Variants in ST3GAL3 observed in about 807,000 individuals in gnomAD.
The protein encoded by ST3GAL3 is ST3 beta-galactoside alpha-2,3-sialyltransferase 3, also known as CMP-N-acetylneuraminate-beta-1,4-galactoside alpha-2,3-sialyltransferase.
In ST3GAL3, 21 loss-of-function variants were observed where a neutral mutation model predicts 50.1. That is an observed-to-expected ratio of 0.42 (90% CI 0.30 to 0.60). The LOEUF (loss-of-function observed/expected upper bound fraction) is 0.60, where lower values mean the gene tolerates loss of function less well. ST3GAL3 is among the 20% of genes least tolerant of loss of function. The pLI, the probability that ST3GAL3 is intolerant of heterozygous loss-of-function variation, is 0.19. For synonymous variants in ST3GAL3, 183 were observed against 190.0 expected (o/e 0.96, Z 0.30); for missense variants, 353 against 489.4 (o/e 0.72, Z 2.63).
intron 1 of ST3GAL3, chr1:43,708,137 G>C (rs1236332442): frequency 6.6e-6 from 1 of 152,314 alleles, no homozygotes; most frequent in Non-Finnish European, 1.5e-5. Flanking sequence ...ACTGGGGTCA[G>C]TTTGATCGGC....
At position 43,752,256 on chromosome 1, in the gene ST3GAL3, G is replaced by A. The variant is rs117877338; in HGVS notation, c.118+15876G>A. Among the ~76,000 whole-genome samples, 19 of 152,300 alleles carry A rather than the reference G, an allele frequency of 1.2e-4. No individual in the cohort carries two copies. The East Asian group carries it at 3.7e-3, about 29-fold the overall frequency. On this transcript the variant is annotated intron_variant, in intron 2 of 11. Transcript: ENST00000347631. Reference sequence around the variant, plus strand: ...AGGTAAGGCTAATGAGGCTCAACAAGTTAATGCCTTTTTTGAGATCACACT... The same window carrying A: ...AGGTAAGGCTAATGAGGCTCAACAAATTAATGCCTTTTTTGAGATCACACT...
chr1:43,918,673 T>TA (rs908291215), intron 9 of ST3GAL3, among the ~76,000 whole-genome samples: 1 of 152,162 alleles, frequency 6.6e-6, no homozygotes, highest in Non-Finnish European at 1.5e-5. Context: ...TTGAGGGTGT[T>TA]ATGTTTACCT....
Position 43,888,332 on chromosome 1 carries a change from G to C in ST3GAL3, c.303-6051G>C, listed in dbSNP as rs554473169. ...CAATAGGGGAAAGACTGATAAATTT[G>C]ACTTAAAACAACAACAACAACAACA... On this transcript the variant is annotated intron_variant, in intron 5 of 11. Transcript: ENST00000347631. Among the ~76,000 whole-genome samples, 8 of 152,090 alleles carry C rather than the reference G, an allele frequency of 5.3e-5. No individual in the cohort carries two copies. The East Asian group carries it at 1.3e-3, about 26-fold the overall frequency.
At chr1:43,733,568 G>GT (rs1395891505) in intron 1 of ST3GAL3, among the ~76,000 whole-genome samples, 1 of 152,170 alleles carries the variant, frequency 6.6e-6, no homozygotes, top group Non-Finnish European at 1.5e-5. Flanking sequence ...CCATTGACCT[G>GT]TTTTTTCCTC....
rs767773778 is a variant in ST3GAL3 at position 43,792,189 on chromosome 1, A to G, written c.166+40A>G. The stretch of plus-strand genomic sequence containing the variant: ...CCCTCTATCATCTTTTTGGCCTTCA[A>G]TATTAGCCATATTTTTTGTGAAGCC... On this transcript the variant is annotated intron_variant, in intron 3 of 11. Transcript: ENST00000347631. 3.1e-6 allele frequency: 5 copies of G among 1,613,024 alleles called. No homozygotes were observed. In the East Asian group the frequency reaches 8.9e-5, roughly 29 times the overall value.
intron 11 of ST3GAL3, chr1:43,921,528 G>C (rs1316779250): frequency 5.0e-6 from 2 of 399,502 alleles, no homozygotes; most frequent in East Asian, 3.6e-5. Flanking sequence ...ACTGATCCCA[G>C]CCTGAAACCT....
At chr1:43,764,106 G>A (rs1225519047) in intron 2 of ST3GAL3, among the ~76,000 whole-genome samples, 1 of 152,178 alleles carries the variant, frequency 6.6e-6, no homozygotes, top group African/African-American at 2.4e-5. Flanking sequence ...CAAGGTATCA[G>A]CACAGATGAA....
intron 5 of ST3GAL3, among the ~76,000 whole-genome samples, chr1:43,858,860 C>G (rs1331508718): frequency 6.6e-6 from 1 of 152,216 alleles, no homozygotes; most frequent in Non-Finnish European, 1.5e-5. Flanking sequence ...CCTTGCCTCC[C>G]CACTGTGGAG....
intron 1 of ST3GAL3, among the ~76,000 whole-genome samples, chr1:43,731,557 A>ATTTTTTTT (rs147263689): frequency 6.3e-4 from 78 of 123,550 alleles, no homozygotes; most frequent in Admixed American, 1.8e-3. Flanking sequence ...GCTAATTTTA[A>ATTTTTTTT]TTTTTTTTTT....
intron 1 of ST3GAL3, among the ~76,000 whole-genome samples, chr1:43,719,566 G>A (rs1237299443): frequency 6.6e-6 from 1 of 152,092 alleles, no homozygotes; most frequent in African/African-American, 2.4e-5. Flanking sequence ...ATGGGAGGCC[G>A]AGGCACGAGA....
intron 2 of ST3GAL3, among the ~76,000 whole-genome samples, chr1:43,753,768 T>G (rs955896312): frequency 6.6e-6 from 1 of 152,228 alleles, no homozygotes; most frequent in African/African-American, 2.4e-5. Context: ...TAGCTGGGCC[T>G]CTGGTATCCC....
chr1:43,831,429 T>C (rs1020155776), intron 4 of ST3GAL3, among the ~76,000 whole-genome samples: 7 of 152,224 alleles, frequency 4.6e-5, no homozygotes, highest in Admixed American at 2.6e-4. Flanking sequence ...GTATTTGTTA[T>C]CCAATCAGTG....
intron 2 of ST3GAL3, among the ~76,000 whole-genome samples, chr1:43,743,290 GA>G (rs1160354874): frequency 6.6e-6 from 1 of 151,568 alleles, no homozygotes. Flanking sequence ...AATATTGGGG[GA>G]AAAAACCTAG....
chr1:43,833,902 C>T (rs72886894), intron 4 of ST3GAL3, among the ~76,000 whole-genome samples: 10,124 of 152,250 alleles, frequency 0.066, 364 homozygotes, highest in East Asian at 0.14. Context: ...AGAGCTAAGG[C>T]CAGCCCTTCC....
intron 5 of ST3GAL3, among the ~76,000 whole-genome samples, chr1:43,877,550 T>G (rs1404763051): frequency 6.6e-6 from 1 of 152,146 alleles, no homozygotes; most frequent in African/African-American, 2.4e-5. Flanking sequence ...TTTGATGTGT[T>G]GAGCCTAGGT....
At chr1:43,879,507 G>A in intron 5 of ST3GAL3, 1 of 432,260 alleles carries the variant, frequency 2.3e-6, no homozygotes, top group Admixed American at 2.6e-5. Context: ...AGTGGAGAGA[G>A]GTAAGTGGGT....
chr1:43,902,763 G>A (rs2078504911), intron 9 of ST3GAL3, among the ~76,000 whole-genome samples: 1 of 152,204 alleles, frequency 6.6e-6, no homozygotes, highest in Non-Finnish European at 1.5e-5. Flanking sequence ...CAGCTCCGGT[G>A]CAGGTCTTCT....
chr1:43,755,858 G>T (rs12129369), intron 2 of ST3GAL3, among the ~76,000 whole-genome samples: 1 of 151,822 alleles, frequency 6.6e-6, no homozygotes, highest in Non-Finnish European at 1.5e-5. Context: ...TAGTGCTTTG[G>T]GGGGCCAAGT....
At chr1:43,777,991 A>C (rs1697922349) in intron 2 of ST3GAL3, among the ~76,000 whole-genome samples, 2 of 152,234 alleles carry the variant, frequency 1.3e-5, no homozygotes. Flanking sequence ...CGTTCACTGC[A>C]ACACTGTTCA....
Sources: allele counts gnomAD v4.1 joint callset (sites outside exome capture counted in the v4.1 genomes callset), GRCh38; gene constraint gnomAD v4.1.1; transcripts MANE v1.5; gene names NCBI Gene and HGNC (gene_info 2026-07-23, HGNC 2026-07-21).